Variants in TBC1D4 observed in about 807,000 individuals in gnomAD.
TBC1D4 encodes the protein TBC1 domain family member 4.
Under a neutral mutation model 142.5 loss-of-function variants are expected in TBC1D4, and 121 were observed. That is an observed-to-expected ratio of 0.85 (90% CI 0.73 to 0.99). TBC1D4 has a LOEUF of 0.99. Among genes scored for constraint, TBC1D4 ranks in the 50% least tolerant of loss-of-function variants. TBC1D4 has a pLI of 0.00. For synonymous variants in TBC1D4, 630 were observed against 628.2 expected (o/e 1.00, Z -0.04); for missense variants, 1,475 against 1,606.6 (o/e 0.92, Z 1.40).
chr13:75,433,570 A>C (rs1045830997), intron 1 of TBC1D4, among the ~76,000 whole-genome samples: 3 of 152,206 alleles, frequency 2.0e-5, no homozygotes, highest in Non-Finnish European at 4.4e-5. Flanking sequence ...CCCATTATAT[A>C]ATTACCTGCA....
intron 15 of TBC1D4, among the ~76,000 whole-genome samples, chr13:75,304,326 T>C (rs988972854): frequency 2.6e-5 from 4 of 152,120 alleles, no homozygotes; most frequent in Admixed American, 6.5e-5. Context: ...ATCCAGTATG[T>C]AACAGAGAAT....
chr13:75,362,667 C>G lies in TBC1D4; in HGVS notation c.499-60G>C. 1 of 1,567,686 alleles carries G rather than the reference C, an allele frequency of 6.4e-7. No homozygotes were observed. The highest frequency in any genetic ancestry group is 8.7e-7 in the Non-Finnish European group (1 of 1,143,756). On this transcript the variant is annotated intron_variant, in intron 1 of 20. Coordinates refer to ENST00000377636, the MANE Select transcript of TBC1D4 (RefSeq NM_014832.5). This position sits in a 1 kb window ranked among gnomAD's most constrained non-coding sequence, Gnocchi z 4.2. ...AAAGTTTTGAGACAATTTACATTTA[C>G]CTAGCCCAATTATTACCACATGGAA...
intron 1 of TBC1D4, among the ~76,000 whole-genome samples, chr13:75,369,908 G>C (rs757031319): frequency 1.3e-4 from 20 of 152,136 alleles, no homozygotes; most frequent in Non-Finnish European, 2.5e-4. Context: ...GCGAGATAGG[G>C]AAGAAAAAAT....
intron 1 of TBC1D4, among the ~76,000 whole-genome samples, chr13:75,422,089 C>G (rs1433388335): frequency 6.6e-6 from 1 of 152,186 alleles, no homozygotes; most frequent in African/African-American, 2.4e-5. Context: ...CCACCAACAC[C>G]TGGTCTTAAA....
intron 1 of TBC1D4, among the ~76,000 whole-genome samples, chr13:75,451,423 G>A (rs1485444536): frequency 6.6e-6 from 1 of 150,700 alleles, no homozygotes; most frequent in Non-Finnish European, 1.5e-5. Context: ...TTGGCTATTT[G>A]TAATATAGAT....
At chr13:75,321,130 T>C (rs1338483541) in intron 11 of TBC1D4, among the ~76,000 whole-genome samples, 2 of 152,058 alleles carry the variant, frequency 1.3e-5, no homozygotes, top group African/African-American at 2.4e-5. Flanking sequence ...ATTCATTTTA[T>C]GCAACTAATA....
At chr13:75,348,972 T>A (rs1407896820) in intron 5 of TBC1D4, among the ~76,000 whole-genome samples, 198 bp downstream of exon 5, 2 of 150,352 alleles carry the variant, frequency 1.3e-5, no homozygotes. Flanking sequence ...TGTGTGTGTG[T>A]GTGTGTGTGT....
At chr13:75,441,851 T>C (rs571473183) in intron 1 of TBC1D4, among the ~76,000 whole-genome samples, 1 of 152,360 alleles carries the variant, frequency 6.6e-6, no homozygotes, top group African/African-American at 2.4e-5. Flanking sequence ...CAGTCTGATC[T>C]ACATTACAAC....
intron 1 of TBC1D4, among the ~76,000 whole-genome samples, chr13:75,416,446 G>T (rs1885920983): frequency 6.6e-6 from 1 of 152,196 alleles, no homozygotes; most frequent in African/African-American, 2.4e-5. Flanking sequence ...AGCTCTGTAT[G>T]ATTTACAAAG....
chr13:75,474,810 T>A (rs1888568765), intron 1 of TBC1D4, among the ~76,000 whole-genome samples: 1 of 152,016 alleles, frequency 6.6e-6, no homozygotes, highest in Admixed American at 6.6e-5. Flanking sequence ...CTAATTTTTG[T>A]ATTTTTAGTA....
chr13:75,312,424 A>AAAAAG (rs1555301657), intron 13 of TBC1D4, among the ~76,000 whole-genome samples: 79 of 136,016 alleles, frequency 5.8e-4, no homozygotes, highest in Middle Eastern at 3.6e-3. Flanking sequence ...GGGAAAAAAA[A>AAAAAG]AAAGAAAGAA....
chr13:75,410,172 A>G (rs541192157), intron 1 of TBC1D4, among the ~76,000 whole-genome samples: 1 of 152,210 alleles, frequency 6.6e-6, no homozygotes, highest in Non-Finnish European at 1.5e-5. Flanking sequence ...ACCTATAATT[A>G]CTATGTTTGA....
chr13:75,341,594 A>G lies in TBC1D4; in HGVS notation c.1409-7T>C, dbSNP rs1880709643. ...GCTCTTGGTGGGTAGAGACCTAAGG[A>G]AAATGATGAGGGAAGGTATTAAACA... On this transcript the variant is annotated splice_region_variant and splice_polypyrimidine_tract_variant and intron_variant, in intron 5 of 20. Transcript: ENST00000377636. 6.2e-7 allele frequency: 1 copy of G among 1,609,236 alleles called. No individual in the cohort carries two copies. Among genetic ancestry groups the G allele is most frequent in the African/African-American group, 1.3e-5 (1 of 74,816 alleles).
intron 1 of TBC1D4, among the ~76,000 whole-genome samples, chr13:75,379,262 G>GCACA (rs140885604): frequency 0.016 from 2,399 of 149,064 alleles, 63 homozygotes; most frequent in African/African-American, 0.056. Context: ...ATACACACAT[G>GCACA]CACACACACA....
intron 3 of TBC1D4, among the ~76,000 whole-genome samples, chr13:75,358,778 T>C (rs1399631301): frequency 1.3e-5 from 2 of 152,078 alleles, no homozygotes; most frequent in Admixed American, 6.6e-5. Context: ...GTGGGAGGAT[T>C]GCTTGAGCCG....
intron 1 of TBC1D4, among the ~76,000 whole-genome samples, chr13:75,439,045 A>G (rs1886922094): frequency 6.6e-6 from 1 of 152,204 alleles, no homozygotes. Context: ...GCTGAAGATA[A>G]GCTCAAGCAA....
chr13:75,343,903 T>TGA (rs1880933039), intron 5 of TBC1D4, among the ~76,000 whole-genome samples: 1 of 152,156 alleles, frequency 6.6e-6, no homozygotes, highest in Non-Finnish European at 1.5e-5. Context: ...TGCAATGGCG[T>TGA]GATCTCAGCT....
chr13:75,352,035 T>C (rs1881647129), intron 4 of TBC1D4, among the ~76,000 whole-genome samples: 1 of 152,234 alleles, frequency 6.6e-6, no homozygotes, highest in African/African-American at 2.4e-5. Context: ...CTATACTTCT[T>C]GTCCCTAGGC....
intron 1 of TBC1D4, among the ~76,000 whole-genome samples, chr13:75,455,766 G>A (rs142386522): frequency 3.1e-3 from 466 of 152,104 alleles, no homozygotes; most frequent in Non-Finnish European, 5.1e-3. Context: ...AAAAACCGAA[G>A]AGTCTCCACT....
Sources: allele counts gnomAD v4.1 joint callset (sites outside exome capture counted in the v4.1 genomes callset), GRCh38; gene constraint gnomAD v4.1.1; non-coding constraint Gnocchi (gnomAD v3.1); transcripts MANE v1.5; gene names NCBI Gene and HGNC (gene_info 2026-07-23, HGNC 2026-07-21).